The following ITGA1 variants were observed in gnomAD, a reference collection of about 807,000 sequenced individuals.
ITGA1 encodes the protein integrin alpha-1.
In ITGA1, 85 loss-of-function variants were observed where a neutral mutation model predicts 145.9. The observed-to-expected ratio is 0.58, with a 90% CI of 0.49 to 0.70. The LOEUF is 0.70. Ranked by LOEUF, ITGA1 falls within the 30% of genes least tolerant of loss-of-function variation. ITGA1 has a pLI of 0.00. For missense variants in ITGA1, 1,351 were observed against 1,418.7 expected (o/e 0.95, Z 0.77); for synonymous variants, 520 against 495.3 (o/e 1.05, Z -0.66).
At chr5:52,798,187 G>T (rs1429556836) in intron 1 of ITGA1, among the ~76,000 whole-genome samples, 2 of 152,212 alleles carry the variant, frequency 1.3e-5, no homozygotes, top group Non-Finnish European at 2.9e-5. Flanking sequence ...TTAGTGAAAA[G>T]TTGCTGGGTT....
chr5:52,882,125 A>G (rs923588759), intron 7 of ITGA1, 104 bp downstream of exon 7: 29 of 983,778 alleles, frequency 2.9e-5, no homozygotes, highest in Non-Finnish European at 3.9e-5. Context: ...ACAATATTTA[A>G]AGCCATTTTG....
intron 1 of ITGA1, chr5:52,801,337 T>C (rs1748476821): frequency 1.5e-6 from 2 of 1,360,318 alleles, no homozygotes; most frequent in Admixed American, 2.1e-5. Flanking sequence ...CTTTTGGCTT[T>C]AAGCCTTTGT....
intron 7 of ITGA1, among the ~76,000 whole-genome samples, chr5:52,885,752 G>A (rs531137172): frequency 6.6e-6 from 1 of 152,340 alleles, no homozygotes; most frequent in African/African-American, 2.4e-5. Context: ...ATTGGCTATA[G>A]CTAGGCATTT....
chr5:52,892,197 C>T (rs7731949), intron 8 of ITGA1, among the ~76,000 whole-genome samples: 69,964 of 151,882 alleles, frequency 0.46, 16,590 homozygotes, highest in East Asian at 0.58. Flanking sequence ...CTAACTACAC[C>T]GAGGAAGAAA....
rs1750183858 is a variant in ITGA1, at chr5:52,893,675, A to G, written c.925A>G (p.Ile309Val). ...TCTTGCTGTTTCTGTTGTGTCTTAGATTCTTGGCAGCTATAACCGAGGAAA... is the reference window on the plus strand; with the variant it reads ...TCTTGCTGTTTCTGTTGTGTCTTAGGTTCTTGGCAGCTATAACCGAGGAAA... ...DENIQRFSIA[I>V]LGSYNRGNLS... The change falls in exon 9 of 29, where the codon ATT becomes GTT. Residue 309 changes from isoleucine to valine, a missense_variant and splice_region_variant. Transcript: ENST00000282588. The G allele has an allele frequency of 6.2e-7, 1 of 1,609,996 alleles. No homozygotes were observed. The highest frequency in any genetic ancestry group is 1.3e-5 in the African/African-American group (1 of 74,746).
rs1400396002 is a variant in ITGA1, at chr5:52,958,270, A to C, written c.*5819A>C. 2 of 152,100 alleles carry C rather than the reference A, an allele frequency of 1.3e-5. No homozygotes were observed. Among genetic ancestry groups the C allele is most frequent in the Non-Finnish European group, 2.9e-5 (2 of 68,014 alleles). 9.4% of individuals were successfully genotyped at this position (152,100 alleles called of 1,614,324 possible). Reference sequence around the variant, plus strand: ...TGAGGGAGTGGAAGATGATGAAACTATTTCTCTTTTATGTCTACATCCTTA... The same window carrying C: ...TGAGGGAGTGGAAGATGATGAAACTCTTTCTCTTTTATGTCTACATCCTTA... On this transcript the variant is annotated 3_prime_UTR_variant, in exon 29 of 29. Coordinates refer to ENST00000282588, the MANE Select transcript of ITGA1 (RefSeq NM_181501.2).
In ITGA1 at chr5:52,887,867, A is replaced by G; in HGVS notation, c.826A>G (p.Met276Val). The change falls in exon 8 of 29, where the codon ATG becomes GTG. Residue 276 changes from methionine (M) to valine (V), a missense_variant. By Grantham distance (21) the Met-to-Val change is conservative (BLOSUM62 1). Coordinates refer to ENST00000282588, the MANE Select transcript of ITGA1 (RefSeq NM_181501.2). ...TGCCCGAAGAGGAGTTAAAAAAGTC[A>G]TGGTTATTGTGACAGATGGAGAGTC... ...RGARRGVKKVMVIVTDGESHD... is the reference protein window; with the variant it reads ...RGARRGVKKVVVIVTDGESHD... 1 of 1,614,126 alleles carries G rather than the reference A, an allele frequency of 6.2e-7. No homozygotes were observed. Among genetic ancestry groups the G allele is most frequent in the Non-Finnish European group, 8.5e-7 (1 of 1,179,944 alleles).
chr5:52,944,503 A>T (rs1751105612), intron 26 of ITGA1, among the ~76,000 whole-genome samples: 1 of 152,124 alleles, frequency 6.6e-6, no homozygotes, highest in South Asian at 2.1e-4. Flanking sequence ...TATTTACTTG[A>T]TAATTTGGGA....
chr5:52,833,524 A>G (rs957928537), intron 1 of ITGA1, among the ~76,000 whole-genome samples: 4 of 152,126 alleles, frequency 2.6e-5, no homozygotes, highest in Non-Finnish European at 4.4e-5. Context: ...CAGACATTTT[A>G]CCTTTCTCTT....
At chr5:52,855,862 G>GA (rs1448227340) in intron 2 of ITGA1, among the ~76,000 whole-genome samples, 1 of 152,074 alleles carries the variant, frequency 6.6e-6, no homozygotes, top group Non-Finnish European at 1.5e-5. Flanking sequence ...CAGATACTAG[G>GA]AAAATACAGA....
At chr5:52,856,995 C>T (rs942363471) in intron 2 of ITGA1, among the ~76,000 whole-genome samples, 1 of 152,184 alleles carries the variant, frequency 6.6e-6, no homozygotes, top group Admixed American at 6.5e-5. Context: ...TTAAGCAACA[C>T]TGGGCTTCTT....
intron 23 of ITGA1, 101 bp downstream of exon 23, chr5:52,934,097 A>C (rs1750931592): frequency 8.6e-6 from 3 of 348,218 alleles, no homozygotes; most frequent in Non-Finnish European, 1.6e-5. Flanking sequence ...TCAATGTTTA[A>C]TCTCTATATT....
At chr5:52,897,215 G>A (rs1750240123) in intron 9 of ITGA1, among the ~76,000 whole-genome samples, 2 of 152,132 alleles carry the variant, frequency 1.3e-5, no homozygotes, top group African/African-American at 4.8e-5. Context: ...CCTCTGGCGA[G>A]GACAGGGCTG....
chr5:52,817,337 G>A (rs1001768414), intron 1 of ITGA1, among the ~76,000 whole-genome samples: 1 of 152,134 alleles, frequency 6.6e-6, no homozygotes, highest in Non-Finnish European at 1.5e-5. Context: ...TAGCCATTGT[G>A]AGCCTCATTT....
chr5:52,927,338 T>G (rs1750826995), intron 19 of ITGA1, among the ~76,000 whole-genome samples: 1 of 152,196 alleles, frequency 6.6e-6, no homozygotes, highest in African/African-American at 2.4e-5. Flanking sequence ...GTACTTCCAT[T>G]TTACAACTGA....
In ITGA1 at chr5:52,957,223, C is replaced by T. The variant is rs928998180; in HGVS notation, c.*4772C>T. The T allele has an allele frequency of 3.3e-5, 5 of 152,296 alleles. No individual in the cohort carries two copies. The highest frequency in any genetic ancestry group is 1.2e-4 in the African/African-American group (5 of 41,568). The allele number at this position is 152,296 out of a possible 1,614,324, so 9.4% of individuals were successfully genotyped here. On this transcript the variant is annotated 3_prime_UTR_variant, in exon 29 of 29. Coordinates refer to ENST00000282588, the MANE Select transcript of ITGA1 (RefSeq NM_181501.2). ...CCAGCCCTGTTGTCCCCTACAGCAT[C>T]TCCACCCAGGAAGTCCAGTTCCTAA...
rs752202303 is a variant in ITGA1 at position 52,925,457 on chromosome 5, T to C, written c.2583T>C (p.Tyr861=). 1.9e-6 allele frequency: 3 copies of C among 1,613,824 alleles called. No homozygotes were observed. Reference sequence around the variant, plus strand: ...ATAACACCAGGACAATAGTGCATTATTCTCCAAATCTAGTTTTTTCAGGAA... The same window carrying C: ...ATAACACCAGGACAATAGTGCATTACTCTCCAAATCTAGTTTTTTCAGGAA... ...SAYNTRTIVH[Y]SPNLVFSGIE... is the part of the protein sequence containing the mutation. Residue 861 remains tyrosine, a synonymous_variant, in exon 19 of 29, where the codon TAT becomes TAC. Transcript: ENST00000282588.
intron 15 of ITGA1, among the ~76,000 whole-genome samples, chr5:52,916,125 TATTA>T (rs1193183715): frequency 6.6e-6 from 1 of 152,202 alleles, no homozygotes; most frequent in Non-Finnish European, 1.5e-5. Context: ...CATAATGCTT[TATTA>T]ATTATGAATA....
intron 2 of ITGA1, among the ~76,000 whole-genome samples, chr5:52,857,423 A>G (rs1418096630): frequency 4.6e-5 from 7 of 151,864 alleles, no homozygotes; most frequent in African/African-American, 1.7e-4. Flanking sequence ...GATTGCCTCC[A>G]TGATAAATTT....
Sources: allele counts gnomAD v4.1 joint callset (sites outside exome capture counted in the v4.1 genomes callset), GRCh38; gene constraint gnomAD v4.1.1; transcripts MANE v1.5; gene names NCBI Gene and HGNC (gene_info 2026-07-23, HGNC 2026-07-21).